The following RAP1GAP2 variants were observed in gnomAD, a reference collection of about 807,000 sequenced individuals.
The protein encoded by RAP1GAP2 is rap1 GTPase-activating protein 2.
RAP1GAP2 carries 27 observed loss-of-function variants against 95.0 expected under a neutral mutation model. That is an observed-to-expected ratio of 0.28 (90% CI 0.21 to 0.39). The LOEUF is 0.39. Among genes scored for constraint, RAP1GAP2 ranks in the 10% least tolerant of loss-of-function variants. RAP1GAP2 has a pLI of 1.00. For synonymous variants in RAP1GAP2, 373 were observed against 380.9 expected (o/e 0.98, Z 0.24); for missense variants, 771 against 970.0 (o/e 0.79, Z 2.72).
intron 2 of RAP1GAP2, among the ~76,000 whole-genome samples, chr17:2,879,688 G>T (rs1020219781): frequency 3.3e-5 from 5 of 151,376 alleles, no homozygotes; most frequent in Admixed American, 1.3e-4. Context: ...ATCGCACCAT[G>T]GCACTCCAGC....
intron 1 of RAP1GAP2, among the ~76,000 whole-genome samples, chr17:2,799,099 G>A (rs181953256): frequency 1.3e-5 from 2 of 152,328 alleles, no homozygotes; most frequent in East Asian, 1.9e-4. Flanking sequence ...AAACCTAAGC[G>A]CCTGCTGTGA....
intron 2 of RAP1GAP2, among the ~76,000 whole-genome samples, chr17:2,833,837 A>G (rs2071016435): frequency 6.6e-6 from 1 of 152,070 alleles, no homozygotes; most frequent in African/African-American, 2.4e-5. Context: ...ATTTCATCAT[A>G]CTGCAAATTG....
At position 2,904,658 on chromosome 17, in the gene RAP1GAP2, G is replaced by A. The variant is rs568969121; in HGVS notation, c.81-626G>A. On this transcript the variant is annotated intron_variant, in intron 2 of 24. Coordinates refer to ENST00000254695, the MANE Select transcript of RAP1GAP2 (RefSeq NM_015085.5). This position sits in a 1 kb window ranked among gnomAD's most constrained non-coding sequence, Gnocchi z 4.7. ...CCCAGTCCTGGATCTCTTTAGCCCC[G>A]TGGTTCTCAGACTTTGCCGTGTAGC... Among the ~76,000 whole-genome samples, 4 of 151,634 alleles carry A rather than the reference G, an allele frequency of 2.6e-5. No homozygotes were observed. In the South Asian group the frequency reaches 6.2e-4, roughly 24 times the overall value.
Position 2,963,786 on chromosome 17 carries a change from GGACAC to G in RAP1GAP2, c.280-69_280-65del. The stretch of plus-strand genomic sequence containing the variant: ...CCCACTCCTGGGAGCAGCGCAGAGG[GGACAC>G]CGCCACCGGCCCCCTCCCTCCCCTG... On this transcript the variant is annotated intron_variant, in intron 6 of 24. Coordinates refer to ENST00000254695, the MANE Select transcript of RAP1GAP2 (RefSeq NM_015085.5). This position sits in a 1 kb window ranked among gnomAD's most constrained non-coding sequence, Gnocchi z 4.8. 7.4e-7 allele frequency: 1 copy of G among 1,351,718 alleles called. No homozygotes were observed. The highest frequency in any genetic ancestry group is 1.0e-6 in the Non-Finnish European group (1 of 989,804). 83.7% of individuals were successfully genotyped at this position (1,351,718 alleles called of 1,614,324 possible).
chr17:2,984,311 G>A (rs778271498), intron 10 of RAP1GAP2, among the ~76,000 whole-genome samples: 1 of 152,134 alleles, frequency 6.6e-6, no homozygotes, highest in African/African-American at 2.4e-5. Flanking sequence ...CCACGCCATT[G>A]CACTCCAGCC....
At chr17:2,779,408 G>A (rs1359198874) in intron 1 of RAP1GAP2, among the ~76,000 whole-genome samples, 4 of 152,188 alleles carry the variant, frequency 2.6e-5, no homozygotes, top group Admixed American at 2.6e-4. Flanking sequence ...GTGGAGGTGG[G>A]TCCGCATAAG....
chr17:2,920,783 GC>G (rs2042737047), intron 3 of RAP1GAP2, among the ~76,000 whole-genome samples: 1 of 152,190 alleles, frequency 6.6e-6, no homozygotes, highest in African/African-American at 2.4e-5. Flanking sequence ...TGATAATCCC[GC>G]CCTTCTGCTC....
At chr17:2,844,957 C>T (rs898921411) in intron 2 of RAP1GAP2, among the ~76,000 whole-genome samples, 2 of 152,074 alleles carry the variant, frequency 1.3e-5, no homozygotes, top group Non-Finnish European at 2.9e-5. Flanking sequence ...GAGCTGGCAA[C>T]CAACCCCTGC....
chr17:2,863,379 A>G (rs946788002), intron 2 of RAP1GAP2, among the ~76,000 whole-genome samples: 39 of 152,186 alleles, frequency 2.6e-4, no homozygotes, highest in African/African-American at 9.2e-4. Flanking sequence ...GCTCCAGCCA[A>G]GTCCTTTCCA....
rs924042338 is a variant in RAP1GAP2 at position 3,032,929 on chromosome 17, G to A, written c.*31-463G>A. Among the ~76,000 whole-genome samples the A allele has an allele frequency of 3.3e-5, 5 of 152,296 alleles. No homozygotes were observed. In the East Asian group the frequency reaches 9.7e-4, roughly 29 times the overall value. On this transcript the variant is annotated intron_variant, in intron 24 of 24. Coordinates refer to ENST00000254695, the MANE Select transcript of RAP1GAP2 (RefSeq NM_015085.5). ...CCCTGCCTGCTTTGAGGGGGCACGT[G>A]GTTTGAGCAGAGTGGCCGTGGGTCC...
In RAP1GAP2 at chr17:3,016,810, G is replaced by A. The variant is rs117777959; in HGVS notation, c.1495-1251G>A. Among the ~76,000 whole-genome samples the A allele has an allele frequency of 1.6e-3, 250 of 152,356 alleles. 5 individuals carry two copies. The East Asian group carries it at 0.025, about 15-fold the overall frequency. On this transcript the variant is annotated intron_variant, in intron 17 of 24. Transcript: ENST00000254695. ...AACATCTCTTTCACTCTAAGTCTCAGAGAAGCTGGGTCACCTGCCCGGGGT... is the reference window on the plus strand; with the variant it reads ...AACATCTCTTTCACTCTAAGTCTCAAAGAAGCTGGGTCACCTGCCCGGGGT...
chr17:2,893,768 A>G (rs1194357638), intron 2 of RAP1GAP2, among the ~76,000 whole-genome samples: 1 of 152,104 alleles, frequency 6.6e-6, no homozygotes, highest in Non-Finnish European at 1.5e-5. Flanking sequence ...CCGGGAGGGG[A>G]ACTGCTCTGT....
chr17:2,910,278 G>T (rs1251494589), intron 3 of RAP1GAP2, among the ~76,000 whole-genome samples: 2 of 152,140 alleles, frequency 1.3e-5, no homozygotes, highest in Non-Finnish European at 2.9e-5. Context: ...AGGTTGTTCT[G>T]CTCCTGACCC....
chr17:2,758,057 G>A (rs1312500314), intron 1 of RAP1GAP2, among the ~76,000 whole-genome samples: 2 of 150,774 alleles, frequency 1.3e-5, no homozygotes, highest in Non-Finnish European at 3.0e-5. Context: ...TTTTAGTAGA[G>A]ACGGGGTTTC....
intron 2 of RAP1GAP2, among the ~76,000 whole-genome samples, chr17:2,888,051 G>C (rs2039380147): frequency 6.6e-6 from 1 of 152,142 alleles, no homozygotes; most frequent in African/African-American, 2.4e-5. Flanking sequence ...GGAATAGCAG[G>C]AGCTTGGTAA....
At chr17:2,970,155 C>G (rs764514199) in intron 8 of RAP1GAP2, among the ~76,000 whole-genome samples, 3 of 151,422 alleles carry the variant, frequency 2.0e-5, no homozygotes, top group Non-Finnish European at 4.4e-5. Context: ...GCACCTGTAA[C>G]CCTAGCTACT....
intron 11 of RAP1GAP2, among the ~76,000 whole-genome samples, chr17:2,986,369 A>G (rs58252885): frequency 0.15 from 22,619 of 152,032 alleles, 2,187 homozygotes; most frequent in East Asian, 0.35. Context: ...AAAACCCCCT[A>G]ATTAAAGTTC....
intron 1 of RAP1GAP2, chr17:2,800,229 G>A (rs1414814126): frequency 2.0e-6 from 2 of 985,148 alleles, no homozygotes; most frequent in Non-Finnish European, 2.4e-6. Flanking sequence ...TGAGATACCT[G>A]AATTCAGACT....
At chr17:2,759,490 G>A (rs1423975441) in intron 1 of RAP1GAP2, among the ~76,000 whole-genome samples, 6 of 152,018 alleles carry the variant, frequency 3.9e-5, no homozygotes, top group Non-Finnish European at 5.9e-5. Flanking sequence ...CACTCTTGTC[G>A]CCCAGGCTGG....
Sources: gnomAD v4.1 joint callset for allele counts (sites outside exome capture counted in the v4.1 genomes callset) on GRCh38, gnomAD v4.1.1 for gene constraint, Gnocchi (gnomAD v3.1) non-coding constraint, MANE v1.5 for transcripts, NCBI Gene and HGNC (gene_info 2026-07-23, HGNC 2026-07-21) for gene names.